The following FAM193A variants were observed in gnomAD, a reference collection of about 807,000 sequenced individuals.
FAM193A encodes family with sequence similarity 193 member A, also known as protein FAM193A.
Under a neutral mutation model 126.5 loss-of-function variants are expected in FAM193A, and 22 were observed. That is an observed-to-expected ratio of 0.17 (90% CI 0.12 to 0.25). The LOEUF (loss-of-function observed/expected upper bound fraction) is 0.25. Ranked by LOEUF, FAM193A falls within the 10% of genes least tolerant of loss-of-function variation. The pLI is 1.00. For synonymous variants in FAM193A, 761 were observed against 646.8 expected, an observed-to-expected ratio of 1.18 and a Z score of -2.68; for missense variants, 1,675 against 1,672.8, an observed-to-expected ratio of 1.00 and a Z score of -0.02.
chr4:2,669,385 G>A (rs1401203921), intron 12 of FAM193A, among the ~76,000 whole-genome samples: 1 of 152,060 alleles, frequency 6.6e-6, no homozygotes, highest in Non-Finnish European at 1.5e-5. Flanking sequence ...GAGGCGGGCA[G>A]ATCACCTGAG....
intron 3 of FAM193A, 147 bp from the exon 4 acceptor site, chr4:2,626,263 C>A: frequency 1.7e-6 from 1 of 603,472 alleles, no homozygotes; most frequent in Non-Finnish European, 3.0e-6. Context: ...GATGCCATCA[C>A]CCCCCTGCAC....
At chr4:2,622,079 G>A (rs1482141221) in intron 2 of FAM193A, among the ~76,000 whole-genome samples, 2 of 151,932 alleles carry the variant, frequency 1.3e-5, no homozygotes, top group Non-Finnish European at 2.9e-5. Context: ...ACATGGCGAA[G>A]CCCTGTGTCT....
At chr4:2,643,851 A>G (rs186884482) in intron 6 of FAM193A, among the ~76,000 whole-genome samples, 125 of 152,256 alleles carry the variant, frequency 8.2e-4, no homozygotes, top group African/African-American at 2.9e-3. Context: ...TGTTTCTATC[A>G]GGGGGTGCAT....
chr4:2,699,988 C>T lies in FAM193A; in HGVS notation c.3816C>T (p.Thr1272=). The part of the protein sequence containing the change: ...GSLEQTEEPE[T]SSHSPSRHMN... ...TAGAGCAAACTGAAGAACCAGAAACCTCTTCTCACTCCCCATCCAGGCATA... is the reference window on the plus strand; with the variant it reads ...TAGAGCAAACTGAAGAACCAGAAACTTCTTCTCACTCCCCATCCAGGCATA... The change falls in exon 19 of 21, where the codon ACC becomes ACT. Residue 1272 remains threonine (T), a synonymous_variant. Coordinates refer to ENST00000637812, the MANE Select transcript of FAM193A (RefSeq NM_001366318.2). 1 of 1,613,944 alleles carries T rather than the reference C, an allele frequency of 6.2e-7. No homozygotes were observed. Among genetic ancestry groups the T allele is most frequent in the Non-Finnish European group, 8.5e-7 (1 of 1,180,002 alleles).
At position 2,699,823 on chromosome 4, in the gene FAM193A, G is replaced by A. The variant is rs559160452; in HGVS notation, c.3651G>A (p.Glu1217=). Residue 1217 remains glutamate, a synonymous_variant, in exon 19 of 21, where the codon GAG becomes GAA. Coordinates refer to ENST00000637812, the MANE Select transcript of FAM193A (RefSeq NM_001366318.2). Reference sequence around the variant, plus strand: ...AGGAGGAATTTCAGCGGCTTCAGGAGCTTCAGAAGCTAAGAGCTGTAAAAA... The same window carrying A: ...AGGAGGAATTTCAGCGGCTTCAGGAACTTCAGAAGCTAAGAGCTGTAAAAA... ...RFKEEFQRLQ[E]LQKLRAVKKK... The A allele has an allele frequency of 1.2e-6, 2 of 1,613,920 alleles. No homozygotes were observed. The highest frequency in any genetic ancestry group is 1.1e-5 in the South Asian group (1 of 91,084).
chr4:2,563,489 G>C (rs1183543837), intron 1 of FAM193A, among the ~76,000 whole-genome samples: 1 of 151,060 alleles, frequency 6.6e-6, no homozygotes, highest in African/African-American at 2.4e-5. Flanking sequence ...AGGATTGCTT[G>C]AGGTCGGGAG....
intron 2 of FAM193A, among the ~76,000 whole-genome samples, chr4:2,599,249 C>T (rs985522441): frequency 6.6e-6 from 1 of 151,976 alleles, no homozygotes; most frequent in Non-Finnish European, 1.5e-5. Context: ...TTATGGCCTC[C>T]TTCCACTTTC....
At chr4:2,635,596 G>C (rs759895296) in intron 5 of FAM193A, among the ~76,000 whole-genome samples, 1 of 152,166 alleles carries the variant, frequency 6.6e-6, no homozygotes, top group Non-Finnish European at 1.5e-5. Context: ...GCAGTGGTGA[G>C]ATCTTGGCTC....
chr4:2,548,590 G>A (rs1485665404), intron 1 of FAM193A, among the ~76,000 whole-genome samples: 1 of 151,660 alleles, frequency 6.6e-6, no homozygotes, highest in Non-Finnish European at 1.5e-5. Context: ...CTGAGTAGCT[G>A]GAGTTATAGG....
At chr4:2,578,410 T>G (rs1739729317) in intron 1 of FAM193A, among the ~76,000 whole-genome samples, 2 of 152,154 alleles carry the variant, frequency 1.3e-5, no homozygotes, top group Admixed American at 6.5e-5. Context: ...GCACTTGACA[T>G]ACCGTATCTC....
At chr4:2,640,841 TG>T (rs1330881843) in intron 6 of FAM193A, among the ~76,000 whole-genome samples, 3 of 151,836 alleles carry the variant, frequency 2.0e-5, no homozygotes, top group Non-Finnish European at 4.4e-5. Context: ...GGCACATACC[TG>T]TGATCCTGGC....
rs187224544 is a variant in FAM193A, at chr4:2,719,529, T to C, written c.4454+3425T>C. Among the ~76,000 whole-genome samples the C allele has an allele frequency of 9.9e-5, 15 of 152,208 alleles. No homozygotes were observed. In the East Asian group the frequency reaches 2.7e-3, roughly 27 times the overall value. On this transcript the variant is annotated intron_variant, in intron 20 of 20. Coordinates refer to ENST00000637812, the MANE Select transcript of FAM193A (RefSeq NM_001366318.2). ...GGGAGGCCCAGGCGGGCGGATCACCTGAGGTTGGGAGTTTGAGATCAGCCT... is the reference window on the plus strand; with the variant it reads ...GGGAGGCCCAGGCGGGCGGATCACCCGAGGTTGGGAGTTTGAGATCAGCCT...
chr4:2,546,729 C>T (rs886477619), intron 1 of FAM193A, among the ~76,000 whole-genome samples: 1 of 152,100 alleles, frequency 6.6e-6, no homozygotes, highest in Non-Finnish European at 1.5e-5. Flanking sequence ...TTGCCATAAA[C>T]ATGTCTATAC....
At chr4:2,727,895 G>A (rs1424796160) in intron 20 of FAM193A, among the ~76,000 whole-genome samples, 1 of 151,476 alleles carries the variant, frequency 6.6e-6, no homozygotes, top group African/African-American at 2.4e-5. Context: ...TTCATTGCTG[G>A]GACTACAGAT....
At chr4:2,671,388 C>G (rs1236124409) in intron 12 of FAM193A, among the ~76,000 whole-genome samples, 1 of 152,224 alleles carries the variant, frequency 6.6e-6, no homozygotes, top group East Asian at 1.9e-4. Context: ...GCTTCACCCT[C>G]TGCCTGACCA....
intron 1 of FAM193A, among the ~76,000 whole-genome samples, chr4:2,545,432 T>A (rs1357110796): frequency 1.3e-5 from 2 of 152,142 alleles, no homozygotes; most frequent in Non-Finnish European, 2.9e-5. Context: ...GTTGTGTTAA[T>A]ATTCCACAAT....
chr4:2,606,254 C>G (rs1296717504), intron 2 of FAM193A, among the ~76,000 whole-genome samples: 1 of 151,698 alleles, frequency 6.6e-6, no homozygotes, highest in Non-Finnish European at 1.5e-5. Context: ...GTTTCACCAT[C>G]TTGGTCAGGC....
chr4:2,615,033 T>A (rs1252790157), intron 2 of FAM193A: 2 of 152,222 alleles, frequency 1.3e-5, no homozygotes, highest in African/African-American at 4.8e-5. Context: ...AGAACCACAT[T>A]TTGTTTTAAT....
chr4:2,710,253 C>T (rs1415407143), intron 19 of FAM193A, among the ~76,000 whole-genome samples: 1 of 144,814 alleles, frequency 6.9e-6, no homozygotes, highest in Non-Finnish European at 1.5e-5. Flanking sequence ...CGGCTCACTG[C>T]AGCCTCCACC....
Sources: gnomAD v4.1 joint callset for allele counts (sites outside exome capture counted in the v4.1 genomes callset) on GRCh38, gnomAD v4.1.1 for gene constraint, MANE v1.5 for transcripts, NCBI Gene and HGNC (gene_info 2026-07-23, HGNC 2026-07-21) for gene names.